The following SPRING1 variants were observed in gnomAD, a reference collection of about 807,000 sequenced individuals.
The protein encoded by SPRING1 is SREBF pathway regulator in golgi 1, also known as SREBP regulating gene protein.
In SPRING1, 14 loss-of-function variants were observed where a neutral mutation model predicts 24.7. The ratio of observed to expected loss-of-function variants is 0.57; its 90% CI spans 0.37 to 0.88. The LOEUF (loss-of-function observed/expected upper bound fraction) is 0.88, where lower values mean the gene tolerates loss of function less well. Among genes scored for constraint, SPRING1 ranks in the 40% least tolerant of loss-of-function variants. SPRING1 has a pLI of 0.00. For synonymous variants in SPRING1, 93 were observed against 106.1 expected, an observed-to-expected ratio of 0.88 and a Z score of 0.76; for missense variants, 255 against 268.4, an observed-to-expected ratio of 0.95 and a Z score of 0.35.
intron 1 of SPRING1, among the ~76,000 whole-genome samples, chr12:116,735,414 C>G (rs1446516921): frequency 6.6e-6 from 1 of 152,114 alleles, no homozygotes; most frequent in Non-Finnish European, 1.5e-5. Context: ...GTATTTAATA[C>G]CACTGAACTG....
At position 116,713,416 on chromosome 12, in the gene SPRING1, T is replaced by C. The variant is rs912007742; in HGVS notation, c.*4394A>G. ...CATTTCACCATATGTACATGATAAA[T>C]GGCCAATCAAAATAAGGAATGGGGC... is the stretch of plus-strand genomic sequence containing the variant. On this transcript the variant is annotated 3_prime_UTR_variant, in exon 5 of 5. Coordinates refer to ENST00000261318, the MANE Select transcript of SPRING1 (RefSeq NM_024738.4). The C allele has an allele frequency of 3.9e-5, 6 of 152,204 alleles. No individual in the cohort carries two copies. Among genetic ancestry groups the C allele is most frequent in the African/African-American group, 9.6e-5 (4 of 41,452 alleles). The allele number at this position is 152,204 out of a possible 1,614,324, so 9.4% of individuals were successfully genotyped here. A position where few individuals can be genotyped will look rare whatever the true frequency, so the allele number is the denominator to read the frequency against.
At chr12:116,729,280 T>A (rs1870861545) in intron 1 of SPRING1, among the ~76,000 whole-genome samples, 1 of 152,248 alleles carries the variant, frequency 6.6e-6, no homozygotes, top group African/African-American at 2.4e-5. Context: ...AAGGGAGGAC[T>A]ACTTTAACAA....
At chr12:116,719,959 A>AG in intron 3 of SPRING1, 83 bp from the exon 4 acceptor site, 1 of 1,195,816 alleles carries the variant, frequency 8.4e-7, no homozygotes, top group Non-Finnish European at 1.2e-6. Flanking sequence ...AAACTAAGAG[A>AG]ATGCTGATAC....
chr12:116,726,114 G>T (rs1482631962), intron 1 of SPRING1, among the ~76,000 whole-genome samples: 1 of 152,106 alleles, frequency 6.6e-6, no homozygotes, highest in African/African-American at 2.4e-5. Context: ...ACATTTCCAA[G>T]TCCCTACATT....
chr12:116,731,985 C>G (rs536392772), intron 1 of SPRING1, among the ~76,000 whole-genome samples: 5 of 152,160 alleles, frequency 3.3e-5, no homozygotes, highest in African/African-American at 1.2e-4. Flanking sequence ...GGCCACACAG[C>G]CACCCTCCTT....
chr12:116,733,663 A>G (rs1278372476), intron 1 of SPRING1, among the ~76,000 whole-genome samples: 1 of 152,196 alleles, frequency 6.6e-6, no homozygotes, highest in Non-Finnish European at 1.5e-5. Context: ...TAGTTTATAA[A>G]GTAAAAACAT....
intron 1 of SPRING1, among the ~76,000 whole-genome samples, chr12:116,724,706 C>A (rs1490584046): frequency 6.6e-6 from 1 of 152,118 alleles, no homozygotes; most frequent in African/African-American, 2.4e-5. Flanking sequence ...CCCCTGAAAC[C>A]CCAATAACAG....
chr12:116,729,080 G>GA lies in SPRING1; in HGVS notation c.112-5858dup, dbSNP rs1193213691. ...TGAATTCGGTACATGAGTTTTTTGT[G>GA]AAAAAACACTTAAAAAAATAGTAAG... On this transcript the variant is annotated intron_variant, in intron 1 of 4. Transcript: ENST00000261318. 5.9e-5 allele frequency among the ~76,000 whole-genome samples: 9 copies of GA among 152,012 alleles called. No homozygotes were observed. The South Asian group carries it at 1.0e-3, about 18-fold the overall frequency.
At position 116,720,327 on chromosome 12, in the gene SPRING1, T is replaced by A. The variant is rs769078292; in HGVS notation, c.389A>T (p.Tyr130Phe). The A allele has an allele frequency of 3.1e-6, 5 of 1,614,014 alleles. No homozygotes were observed. The South Asian group carries it at 5.5e-5, about 18-fold the overall frequency. Residue 130 changes from tyrosine (Y) to phenylalanine (F), a missense_variant, in exon 3 of 5, where the codon TAC becomes TTC. By Grantham distance (22) the Tyr-to-Phe change is conservative. Coordinates refer to ENST00000261318, the MANE Select transcript of SPRING1 (RefSeq NM_024738.4). This position sits in a 1 kb window ranked among gnomAD's most constrained non-coding sequence, Gnocchi z 4.0. ...WPNGCCSAYEYCVSCCLQPNK... is the reference protein window; with the variant it reads ...WPNGCCSAYEFCVSCCLQPNK... ...GGGCTGCAGGCAGCAGGAGACACAG[T>A]ACTCATAGGCGCTGCAGCAGCCGTT...
In SPRING1 at chr12:116,720,178, C is replaced by T; in HGVS notation, c.420+118G>A. 10 of 1,324,596 alleles carry T rather than the reference C, an allele frequency of 7.5e-6. No homozygotes were observed. Among genetic ancestry groups the T allele is most frequent in the Non-Finnish European group, 9.1e-6 (9 of 988,512 alleles). 82.1% of individuals were successfully genotyped at this position (1,324,596 alleles called of 1,614,324 possible). ...ATTGTGCAGCAATTTCTGACACCTACAAAGCTCCTTTCTAAGTTTTATTTT... is the reference window on the plus strand; with the variant it reads ...ATTGTGCAGCAATTTCTGACACCTATAAAGCTCCTTTCTAAGTTTTATTTT... On this transcript the variant is annotated intron_variant, in intron 3 of 4. Coordinates refer to ENST00000261318, the MANE Select transcript of SPRING1 (RefSeq NM_024738.4). The surrounding 1 kb of genome is among the most constrained non-coding windows in gnomAD (Gnocchi z 4.0).
At chr12:116,719,696 G>T in intron 4 of SPRING1, 67 bp downstream of exon 4, 1 of 1,329,172 alleles carries the variant, frequency 7.5e-7, no homozygotes, top group Non-Finnish European at 1.1e-6. Flanking sequence ...TCGACAGTGT[G>T]TATTTTCTAG....
Position 116,711,758 on chromosome 12 carries a change from G to A in SPRING1, c.*6052C>T, listed in dbSNP as rs1022912491. The A allele has an allele frequency of 6.6e-6, 1 of 152,502 alleles. No homozygotes were observed. The highest frequency in any genetic ancestry group is 2.4e-5 in the African/African-American group (1 of 41,416). 9.4% of individuals were successfully genotyped at this position (152,502 alleles called of 1,614,324 possible). A position where few individuals can be genotyped will look rare whatever the true frequency, so the allele number is the denominator to read the frequency against. On this transcript the variant is annotated 3_prime_UTR_variant, in exon 5 of 5. Coordinates refer to ENST00000261318, the MANE Select transcript of SPRING1 (RefSeq NM_024738.4). The stretch of plus-strand genomic sequence containing the variant: ...GCCTCCTGAGTAGCTGGGACTACAG[G>A]TGTGCACTACCATGCCTGGCTCCTT...
In SPRING1 at chr12:116,719,783, T is replaced by C; in HGVS notation, c.514A>G (p.Lys172Glu). 11 of 1,614,082 alleles carry C rather than the reference T, an allele frequency of 6.8e-6. No homozygotes were observed. Among genetic ancestry groups the C allele is most frequent in the Non-Finnish European group, 9.3e-6 (11 of 1,179,912 alleles). The part of the protein sequence containing the change: ...VEDHFELCLA[K>E]CRTSSQSVQH... ...CTGACCTGAGATGAGGTCCTGCATTTGGCCAGGCACAACTCAAAGTGATCT... is the reference window on the plus strand; with the variant it reads ...CTGACCTGAGATGAGGTCCTGCATTCGGCCAGGCACAACTCAAAGTGATCT... Residue 172 changes from lysine to glutamate, a missense_variant, in exon 4 of 5, where the codon AAA becomes GAA. By Grantham distance (56) the Lys-to-Glu change is moderately conservative. Transcript: ENST00000261318.
intron 1 of SPRING1, among the ~76,000 whole-genome samples, chr12:116,726,511 G>A (rs1313645265): frequency 6.6e-6 from 1 of 152,142 alleles, no homozygotes; most frequent in Non-Finnish European, 1.5e-5. Flanking sequence ...AGGACCGGGA[G>A]GGGGGCGGTT....
At chr12:116,735,807 AGGTG>A (rs1871192466) in intron 1 of SPRING1, among the ~76,000 whole-genome samples, 1 of 151,988 alleles carries the variant, frequency 6.6e-6, no homozygotes, top group Admixed American at 6.6e-5. Flanking sequence ...TGGGAGGCTG[AGGTG>A]GGTGGATCAC....
rs989774821 is a variant in SPRING1, at chr12:116,717,114, T to C, written c.*696A>G. On this transcript the variant is annotated 3_prime_UTR_variant, in exon 5 of 5. Transcript: ENST00000261318. The surrounding 1 kb of genome is among the most constrained non-coding windows in gnomAD (Gnocchi z 4.2). Reference sequence around the variant, plus strand: ...ACATGGTGCCCACTGTTAGAAATCGTGCAGTTAGATTAGAATGGAAGAGTG... The same window carrying C: ...ACATGGTGCCCACTGTTAGAAATCGCGCAGTTAGATTAGAATGGAAGAGTG... 1 of 152,220 alleles carries C rather than the reference T, an allele frequency of 6.6e-6. No individual in the cohort carries two copies. The highest frequency in any genetic ancestry group is 1.5e-5 in the Non-Finnish European group (1 of 68,050). 9.4% of individuals were successfully genotyped at this position (152,220 alleles called of 1,614,324 possible).
At chr12:116,734,564 T>C (rs1871140067) in intron 1 of SPRING1, among the ~76,000 whole-genome samples, 1 of 152,168 alleles carries the variant, frequency 6.6e-6, no homozygotes, top group African/African-American at 2.4e-5. Context: ...GTTTGTTCAA[T>C]CAATATTTGG....
intron 1 of SPRING1, among the ~76,000 whole-genome samples, chr12:116,737,142 G>A (rs1871263465): frequency 6.6e-6 from 1 of 152,200 alleles, no homozygotes; most frequent in Non-Finnish European, 1.5e-5. Flanking sequence ...CGGGGTTCTA[G>A]TCCCAGCTCT....
chr12:116,722,274 C>CA (rs780679429), intron 2 of SPRING1, among the ~76,000 whole-genome samples: 2 of 152,096 alleles, frequency 1.3e-5, no homozygotes, highest in Non-Finnish European at 2.9e-5. Flanking sequence ...ATTTTTTACT[C>CA]AAAGAGTCCA....
Sources: gnomAD v4.1 joint callset for allele counts (sites outside exome capture counted in the v4.1 genomes callset) on GRCh38, gnomAD v4.1.1 for gene constraint, Gnocchi (gnomAD v3.1) non-coding constraint, MANE v1.5 for transcripts, NCBI Gene and HGNC (gene_info 2026-07-23, HGNC 2026-07-21) for gene names.